The following CCDC171 variants were observed in gnomAD, a reference collection of about 807,000 sequenced individuals.
CCDC171 encodes coiled-coil domain containing 171.
In CCDC171, 177 loss-of-function variants were observed where a neutral mutation model predicts 168.2. The ratio of observed to expected loss-of-function variants is 1.05; its 90% CI spans 0.93 to 1.19. The LOEUF (loss-of-function observed/expected upper bound fraction) is 1.19, where lower values mean the gene tolerates loss of function less well. Ranked by LOEUF, CCDC171 falls within the 50% of genes most tolerant of loss-of-function variation. The probability of loss-of-function intolerance (pLI) is 0.00; values close to 1 mark genes in which losing one functional copy is unlikely to be tolerated. For synonymous variants in CCDC171, 687 were observed against 540.8 expected (o/e 1.27, Z -3.75); for missense variants, 1,991 against 1,539.0 (o/e 1.29, Z -4.91).
intron 6 of CCDC171, among the ~76,000 whole-genome samples, chr9:16,026,472 C>T (rs930124372): frequency 6.6e-6 from 1 of 152,138 alleles, no homozygotes; most frequent in Non-Finnish European, 1.5e-5. Context: ...GGCCCTTGCT[C>T]CTTTGTTGCC....
At chr9:15,865,747 T>G (rs1206075602) in intron 23 of CCDC171, among the ~76,000 whole-genome samples, 4 of 151,940 alleles carry the variant, frequency 2.6e-5, no homozygotes, top group Admixed American at 2.6e-4. Context: ...GTAGACTGTT[T>G]GTAGTTAAGT....
intron 21 of CCDC171, among the ~76,000 whole-genome samples, chr9:15,786,376 A>G (rs1010639315): frequency 2.6e-5 from 4 of 152,186 alleles, no homozygotes; most frequent in Non-Finnish European, 5.9e-5. Context: ...ATAGATGAAG[A>G]AAAATTAAAA....
intron 7 of CCDC171, among the ~76,000 whole-genome samples, chr9:15,628,334 G>T (rs538342976): frequency 6.6e-6 from 1 of 152,150 alleles, no homozygotes; most frequent in Non-Finnish European, 1.5e-5. Flanking sequence ...CCAATACTGC[G>T]CTTTTCCGAC....
chr9:15,723,779 T>A (rs981730996), intron 13 of CCDC171, 33 bp downstream of exon 13: 1 of 1,072,722 alleles, frequency 9.3e-7, no homozygotes, highest in Non-Finnish European at 1.4e-6. Context: ...CCTTTTGTAT[T>A]AAGAAACAAA....
chr9:15,926,253 G>GT, intron 25 of CCDC171, among the ~76,000 whole-genome samples: 1 of 151,746 alleles, frequency 6.6e-6, no homozygotes, highest in Non-Finnish European at 1.5e-5. Flanking sequence ...TAGTACATAT[G>GT]TTTAATGAAT....
At chr9:15,809,314 C>T (rs2059224007) in intron 21 of CCDC171, among the ~76,000 whole-genome samples, 1 of 152,124 alleles carries the variant, frequency 6.6e-6, no homozygotes, top group Non-Finnish European at 1.5e-5. Flanking sequence ...AACCACTAGC[C>T]ACGTGTGGCT....
intron 2 of CCDC171, 35 bp downstream of exon 2, chr9:15,564,164 G>T (rs1277380830): frequency 1.3e-6 from 2 of 1,526,966 alleles, no homozygotes; most frequent in South Asian, 1.2e-5. Context: ...GTTGATGAAC[G>T]TTTTTAGTTG....
chr9:15,884,233 G>C (rs570457075), intron 24 of CCDC171, among the ~76,000 whole-genome samples: 47 of 151,844 alleles, frequency 3.1e-4, no homozygotes, highest in African/African-American at 1.1e-3. Context: ...AAATGGAGGT[G>C]ATATTACCTG....
intron 1 of CCDC171, among the ~76,000 whole-genome samples, chr9:15,556,426 G>C (rs1462775824): frequency 6.6e-6 from 1 of 152,042 alleles, no homozygotes; most frequent in Admixed American, 6.6e-5. Flanking sequence ...TTTAATGATC[G>C]CCATTCTAAC....
downstream of CCDC171, among the ~76,000 whole-genome samples, chr9:15,978,284 G>A (rs888678418): frequency 5.9e-5 from 9 of 152,182 alleles, no homozygotes; most frequent in Admixed American, 2.6e-4. Flanking sequence ...TTCCTATGAA[G>A]CAGAGTTCTC....
chr9:16,005,354 A>T (rs984474599), intron 3 of CCDC171, among the ~76,000 whole-genome samples: 1 of 152,242 alleles, frequency 6.6e-6, no homozygotes, highest in Non-Finnish European at 1.5e-5. Context: ...GCCAAATAAT[A>T]TTCCATTGTA....
intron 7 of CCDC171, among the ~76,000 whole-genome samples, chr9:15,651,244 G>T (rs2047493012): frequency 6.6e-6 from 1 of 151,898 alleles, no homozygotes; most frequent in East Asian, 1.9e-4. Flanking sequence ...GAGTAGCTGG[G>T]ATTACAGGTG....
chr9:15,564,037 G>T lies in CCDC171; in HGVS notation c.-52G>T, dbSNP rs1166503114. The stretch of plus-strand genomic sequence containing the variant: ...TTGGGCAATTTTAATCATCAAGAAA[G>T]AAATATGTCATTAAGAAATAGCAGG... On this transcript the variant is annotated 5_prime_UTR_variant, in exon 2 of 26. Coordinates refer to ENST00000380701, the MANE Select transcript of CCDC171 (RefSeq NM_173550.4). 9.1e-6 allele frequency: 13 copies of T among 1,434,224 alleles called. No individual in the cohort carries two copies. Among genetic ancestry groups the T allele is most frequent in the Non-Finnish European group, 1.3e-5 (13 of 1,026,826 alleles). The allele number at this position is 1,434,224 out of a possible 1,614,324, so 88.8% of individuals were successfully genotyped here.
chr9:15,623,512 A>C, intron 7 of CCDC171, 99 bp downstream of exon 7: 2 of 296,676 alleles, frequency 6.7e-6, no homozygotes, highest in Non-Finnish European at 1.1e-5. Flanking sequence ...CACACATAAA[A>C]CCCATTCCGT....
At position 15,820,799 on chromosome 9, in the gene CCDC171, T is replaced by C. The variant is rs534815590; in HGVS notation, c.3268-25903T>C. On this transcript the variant is annotated intron_variant, in intron 21 of 25. Coordinates refer to ENST00000380701, the MANE Select transcript of CCDC171 (RefSeq NM_173550.4). Reference sequence around the variant, plus strand: ...CCATTCCTTCTGAAACTATTACAATTAATGGAAAAAGAGGGAATCCTCCCT... The same window carrying C: ...CCATTCCTTCTGAAACTATTACAATCAATGGAAAAAGAGGGAATCCTCCCT... Among the ~76,000 whole-genome samples, 117 of 115,324 alleles carry C rather than the reference T, an allele frequency of 1.0e-3. 26 individuals carry two copies. The highest frequency in any genetic ancestry group is 3.5e-3 in the African/African-American group (107 of 30,908). The allele number at this position is 115,324 out of a possible 152,430, so 75.7% of individuals were successfully genotyped here.
At chr9:15,698,889 C>T (rs2051443922) in intron 11 of CCDC171, among the ~76,000 whole-genome samples, 1 of 152,146 alleles carries the variant, frequency 6.6e-6, no homozygotes, top group African/African-American at 2.4e-5. Context: ...TTGCTAGACA[C>T]TTAGGTTGAT....
At chr9:15,887,386 C>T (rs577175593) in intron 24 of CCDC171, among the ~76,000 whole-genome samples, 1 of 151,794 alleles carries the variant, frequency 6.6e-6, no homozygotes, top group African/African-American at 2.4e-5. Context: ...GGTTTTTTTC[C>T]CCCTTTTCCC....
the CCDC171 span, among the ~76,000 whole-genome samples, chr9:16,068,800 G>C: frequency 3.7e-3 from 498 of 136,078 alleles, 3 homozygotes; most frequent in African/African-American, 0.012. Flanking sequence ...GTTTTTATGG[G>C]GGCAGTTTCT....
intron 3 of CCDC171, among the ~76,000 whole-genome samples, chr9:15,573,585 T>C (rs1012242117): frequency 4.0e-5 from 6 of 151,450 alleles, no homozygotes; most frequent in African/African-American, 1.2e-4. Context: ...CCCCGCCCAA[T>C]TGAGGTAATT....
Sources: allele counts gnomAD v4.1 joint callset (sites outside exome capture counted in the v4.1 genomes callset), GRCh38; gene constraint gnomAD v4.1.1; transcripts MANE v1.5; gene names NCBI Gene and HGNC (gene_info 2026-07-23, HGNC 2026-07-21).